TRDN: variants seen among roughly 807,000 people sequenced by gnomAD.
TRDN encodes the protein triadin in skeletal muscle.
A neutral mutation model predicts 149.7 loss-of-function variants in TRDN; 161 were observed. The ratio of observed to expected loss-of-function variants is 1.08; its 90% CI spans 0.95 to 1.23. TRDN has a LOEUF of 1.23. Ranked by LOEUF, TRDN falls within the 50% of genes most tolerant of loss-of-function variation. The pLI is 0.00. For synonymous variants in TRDN, 294 were observed against 250.5 expected, an observed-to-expected ratio of 1.17 and a Z score of -1.64; for missense variants, 896 against 823.5, an observed-to-expected ratio of 1.09 and a Z score of -1.08.
intron 12 of TRDN, among the ~76,000 whole-genome samples, chr6:123,408,739 C>T (rs996976243): frequency 2.0e-5 from 3 of 151,758 alleles, no homozygotes; most frequent in Non-Finnish European, 2.9e-5. Context: ...CATACTCGAC[C>T]GTCCCAGAAG....
chr6:123,625,947 C>T (rs978549704), intron 1 of TRDN, among the ~76,000 whole-genome samples: 4 of 152,094 alleles, frequency 2.6e-5, no homozygotes, highest in African/African-American at 9.7e-5. Context: ...CATCGATGGA[C>T]TCCACATTTC....
At chr6:123,510,375 G>A (rs1272613235) in intron 7 of TRDN, 1 of 151,964 alleles carries the variant, frequency 6.6e-6, no homozygotes, top group Non-Finnish European at 1.5e-5. Context: ...ATACTGAATT[G>A]AGGCTTCTAG....
chr6:123,502,460 C>A (rs1778740211), intron 8 of TRDN: 1 of 691,702 alleles, frequency 1.4e-6, no homozygotes, highest in African/African-American at 1.9e-5. Flanking sequence ...GTTTGTAGAT[C>A]ACTAAAAAAA....
At chr6:123,397,208 C>T (rs1482233607) in intron 12 of TRDN, among the ~76,000 whole-genome samples, 1 of 152,086 alleles carries the variant, frequency 6.6e-6, no homozygotes, top group African/African-American at 2.4e-5. Context: ...AAGACTCCCC[C>T]CATCTGCAGT....
intron 12 of TRDN, among the ~76,000 whole-genome samples, chr6:123,428,067 A>G (rs1774197691): frequency 6.6e-6 from 1 of 152,170 alleles, no homozygotes; most frequent in Non-Finnish European, 1.5e-5. Flanking sequence ...CTTCTTGAAG[A>G]GAGTACTTAT....
intron 7 of TRDN, among the ~76,000 whole-genome samples, chr6:123,505,201 G>A (rs557027345): frequency 4.4e-5 from 6 of 135,640 alleles, no homozygotes; most frequent in South Asian, 4.7e-4. Context: ...CCGAGATTGC[G>A]CCATTGCACC....
At chr6:123,585,985 G>A (rs1783459324) in intron 1 of TRDN, among the ~76,000 whole-genome samples, 1 of 152,006 alleles carries the variant, frequency 6.6e-6, no homozygotes, top group Non-Finnish European at 1.5e-5. Flanking sequence ...GAGCAGATTG[G>A]GTAATAAAAT....
At chr6:123,402,957 G>A (rs931291203) in intron 12 of TRDN, among the ~76,000 whole-genome samples, 5 of 152,158 alleles carry the variant, frequency 3.3e-5, no homozygotes, top group African/African-American at 1.2e-4. Flanking sequence ...TAAGTTTGAA[G>A]CGATGGTACA....
intron 9 of TRDN, among the ~76,000 whole-genome samples, chr6:123,480,401 T>A: frequency 6.6e-6 from 1 of 152,040 alleles, no homozygotes; most frequent in Non-Finnish European, 1.5e-5. Flanking sequence ...AAATAATAAC[T>A]TTATTCATTT....
intron 1 of TRDN, among the ~76,000 whole-genome samples, chr6:123,586,071 G>C (rs531314425): frequency 6.6e-6 from 1 of 152,186 alleles, no homozygotes; most frequent in Admixed American, 6.5e-5. Flanking sequence ...GCTGCCAAAC[G>C]AGTCATGAAC....
intron 2 of TRDN, among the ~76,000 whole-genome samples, chr6:123,555,132 T>G (rs1035642169): frequency 6.6e-6 from 1 of 152,128 alleles, no homozygotes; most frequent in African/African-American, 2.4e-5. Context: ...TGACCTGATG[T>G]TTACTGAAGA....
chr6:123,368,794 T>C (rs909009576), intron 19 of TRDN, among the ~76,000 whole-genome samples: 1 of 152,182 alleles, frequency 6.6e-6, no homozygotes, highest in African/African-American at 2.4e-5. Context: ...ACTCCCATTA[T>C]ACGGTATCTG....
chr6:123,517,913 G>T (rs546050483), intron 5 of TRDN, among the ~76,000 whole-genome samples: 21 of 152,144 alleles, frequency 1.4e-4, no homozygotes, highest in African/African-American at 4.6e-4. Context: ...CTCAGTAAAT[G>T]AAATCCTTAG....
chr6:123,418,803 C>T (rs79134114), intron 12 of TRDN, among the ~76,000 whole-genome samples: 2,290 of 152,168 alleles, frequency 0.015, 60 homozygotes, highest in African/African-American at 0.052. Flanking sequence ...TCCAAGCTCC[C>T]GACTCCCAGC....
At chr6:123,512,261 T>C in intron 7 of TRDN, 42 bp downstream of exon 7, 1 of 1,172,348 alleles carries the variant, frequency 8.5e-7, no homozygotes, top group Non-Finnish European at 1.2e-6. Context: ...TCTTTCAGAG[T>C]AAAAAGAATT....
intron 10 of TRDN, among the ~76,000 whole-genome samples, chr6:123,446,341 C>G (rs1446219226): frequency 3.9e-5 from 6 of 151,932 alleles, no homozygotes; most frequent in Non-Finnish European, 8.8e-5. Flanking sequence ...ACATATGTAA[C>G]TAACCTGCAC....
chr6:123,508,804 A>G (rs150768722), intron 7 of TRDN, among the ~76,000 whole-genome samples: 24 of 152,286 alleles, frequency 1.6e-4, no homozygotes, highest in African/African-American at 5.5e-4. Flanking sequence ...CAGAAATCAC[A>G]GCTCTTCAAA....
intron 2 of TRDN, among the ~76,000 whole-genome samples, chr6:123,559,747 T>C (rs1050907919): frequency 6.6e-5 from 10 of 152,202 alleles, no homozygotes; most frequent in African/African-American, 2.4e-4. Flanking sequence ...AGACAAGCCT[T>C]ACAAGTTAGT....
chr6:123,528,537 T>C, intron 5 of TRDN: 2 of 647,338 alleles, frequency 3.1e-6, no homozygotes, highest in Non-Finnish European at 3.8e-6. Flanking sequence ...AGACTACTAC[T>C]ACCTTTCAAA....
Sources: allele counts gnomAD v4.1 joint callset (sites outside exome capture counted in the v4.1 genomes callset), GRCh38; gene constraint gnomAD v4.1.1; transcripts MANE v1.5; gene names NCBI Gene and HGNC (gene_info 2026-07-23, HGNC 2026-07-21).